Variants in SPATA17 observed in about 807,000 individuals in gnomAD.
The protein encoded by SPATA17 is spermatogenesis associated 17, also known as spermatogenesis-associated protein 17.
In SPATA17, 53 loss-of-function variants were observed where a neutral mutation model predicts 62.2. That is an observed-to-expected ratio of 0.85 (90% CI 0.68 to 1.07). The LOEUF (loss-of-function observed/expected upper bound fraction) is 1.07. Ranked by LOEUF, SPATA17 falls within the 50% of genes least tolerant of loss-of-function variation. SPATA17 has a pLI of 0.00. For missense variants in SPATA17, 466 were observed against 425.5 expected (o/e 1.10, Z -0.84); for synonymous variants, 146 against 146.8 (o/e 0.99, Z 0.04).
rs986365223 is a variant in SPATA17 at position 217,867,072 on chromosome 1, T to G, written c.*53T>G. The G allele has an allele frequency of 2.6e-5, 4 of 152,164 alleles. No homozygotes were observed. Among genetic ancestry groups the G allele is most frequent in the African/African-American group, 9.7e-5 (4 of 41,440 alleles). 9.4% of individuals were successfully genotyped at this position (152,164 alleles called of 1,614,324 possible). On this transcript the variant is annotated 3_prime_UTR_variant, in exon 11 of 11. Transcript: ENST00000366933. ...TCTGCATTTTAAAACTTAACAGTTC[T>G]GAAAGGAAAACACAGATGAAGATCC...
chr1:217,788,079 C>T (rs1673911444), intron 8 of SPATA17, among the ~76,000 whole-genome samples: 3 of 152,146 alleles, frequency 2.0e-5, no homozygotes, highest in Middle Eastern at 6.8e-3. Context: ...TTAATTTACC[C>T]ATCAAGACAG....
At chr1:217,706,855 C>T (rs965517625) in intron 5 of SPATA17, among the ~76,000 whole-genome samples, 5 of 149,158 alleles carry the variant, frequency 3.4e-5, no homozygotes, top group African/African-American at 7.5e-5. Flanking sequence ...TTTCTTTCTT[C>T]CTTTCTTTCT....
intron 8 of SPATA17, among the ~76,000 whole-genome samples, chr1:217,798,201 A>C (rs1025643343): frequency 6.6e-6 from 1 of 152,338 alleles, no homozygotes; most frequent in East Asian, 1.9e-4. Flanking sequence ...CATGCTAAAG[A>C]AATAATAGCA....
intron 5 of SPATA17, among the ~76,000 whole-genome samples, chr1:217,704,057 G>T (rs1454611253): frequency 6.7e-6 from 1 of 149,524 alleles, no homozygotes; most frequent in African/African-American, 2.5e-5. Context: ...TGTTGTTGTT[G>T]TTTCTTGTGT....
chr1:217,833,271 A>G (rs1675186877), intron 9 of SPATA17, among the ~76,000 whole-genome samples: 1 of 152,190 alleles, frequency 6.6e-6, no homozygotes, highest in Admixed American at 6.6e-5. Context: ...TTTCATGCAC[A>G]AGTATAAACA....
chr1:217,853,171 A>G (rs1474449516), intron 9 of SPATA17, among the ~76,000 whole-genome samples: 1 of 152,190 alleles, frequency 6.6e-6, no homozygotes, highest in Non-Finnish European at 1.5e-5. Flanking sequence ...AAATTAGTCT[A>G]ACAAACATGA....
At chr1:217,736,797 A>G (rs1223273962) in intron 5 of SPATA17, among the ~76,000 whole-genome samples, 3 of 152,232 alleles carry the variant, frequency 2.0e-5, no homozygotes, top group Non-Finnish European at 4.4e-5. Flanking sequence ...AGAATTATTT[A>G]CTTGCTCAGA....
chr1:217,832,814 G>A (rs1176606988), intron 9 of SPATA17, among the ~76,000 whole-genome samples: 2 of 151,870 alleles, frequency 1.3e-5, no homozygotes, highest in African/African-American at 2.4e-5. Context: ...GTGGCAGTGC[G>A]CATCTGTAGT....
At chr1:217,698,593 A>C (rs1671517627) in intron 5 of SPATA17, among the ~76,000 whole-genome samples, 1 of 148,418 alleles carries the variant, frequency 6.7e-6, no homozygotes, top group Admixed American at 6.7e-5. Context: ...AAAAAAAAAA[A>C]ACAAAGAAAT....
chr1:217,832,237 AAAGT>A (rs1675159720), intron 9 of SPATA17, among the ~76,000 whole-genome samples: 1 of 152,156 alleles, frequency 6.6e-6, no homozygotes, highest in Non-Finnish European at 1.5e-5. Flanking sequence ...CTTAGTTTAT[AAAGT>A]AAGTTTCCAT....
At chr1:217,716,237 T>C (rs1429740858) in intron 5 of SPATA17, among the ~76,000 whole-genome samples, 1 of 152,210 alleles carries the variant, frequency 6.6e-6, no homozygotes, top group African/African-American at 2.4e-5. Flanking sequence ...TATATTAAAC[T>C]ATCTAGGCAG....
chr1:217,682,013 A>G (rs746470229), intron 4 of SPATA17, among the ~76,000 whole-genome samples: 13 of 152,106 alleles, frequency 8.5e-5, no homozygotes, highest in Non-Finnish European at 1.5e-4. Context: ...CATATCCAAA[A>G]AGGGAATGAT....
intron 5 of SPATA17, among the ~76,000 whole-genome samples, chr1:217,736,312 T>G (rs1211859201): frequency 2.6e-5 from 4 of 152,232 alleles, no homozygotes; most frequent in African/African-American, 9.6e-5. Flanking sequence ...AGTAGTCTTT[T>G]CAAAATGTTT....
At chr1:217,794,119 A>G (rs575837529) in intron 8 of SPATA17, among the ~76,000 whole-genome samples, 2 of 151,226 alleles carry the variant, frequency 1.3e-5, no homozygotes, top group South Asian at 4.2e-4. Context: ...CCGTCACAAA[A>G]AAAAAAAAAA....
chr1:217,645,463 G>T (rs1670158232), intron 1 of SPATA17, among the ~76,000 whole-genome samples: 1 of 152,016 alleles, frequency 6.6e-6, no homozygotes, highest in South Asian at 2.1e-4. Context: ...TTTTTATAAA[G>T]GTAGCCAGTT....
At chr1:217,655,243 C>T (rs918756763) in intron 3 of SPATA17, among the ~76,000 whole-genome samples, 8 of 152,068 alleles carry the variant, frequency 5.3e-5, no homozygotes, top group Non-Finnish European at 8.8e-5. Flanking sequence ...TTTCATAACC[C>T]TAATATTTTT....
intron 6 of SPATA17, among the ~76,000 whole-genome samples, chr1:217,757,743 AT>A (rs1157059874): frequency 1.3e-5 from 2 of 152,192 alleles, no homozygotes; most frequent in Non-Finnish European, 2.9e-5. Context: ...AGAGAAAAAA[AT>A]AACCAAATAA....
chr1:217,662,264 A>G (rs907397705), intron 3 of SPATA17, among the ~76,000 whole-genome samples: 2 of 152,170 alleles, frequency 1.3e-5, no homozygotes, highest in East Asian at 3.8e-4. Context: ...GTATATAATT[A>G]GTTTGATATG....
At chr1:217,842,706 A>G (rs1251122763) in intron 9 of SPATA17, among the ~76,000 whole-genome samples, 3 of 151,932 alleles carry the variant, frequency 2.0e-5, no homozygotes, top group Non-Finnish European at 4.4e-5. Flanking sequence ...TCAATCTAGA[A>G]AACTGAATTT....
Sources: gnomAD v4.1 joint callset for allele counts (sites outside exome capture counted in the v4.1 genomes callset) on GRCh38, gnomAD v4.1.1 for gene constraint, MANE v1.5 for transcripts, NCBI Gene and HGNC (gene_info 2026-07-23, HGNC 2026-07-21) for gene names.